Variants in NUMB observed in about 807,000 individuals in gnomAD.
NUMB encodes the protein protein numb homolog.
In NUMB, 29 loss-of-function variants were observed where a neutral mutation model predicts 59.7. The ratio of observed to expected loss-of-function variants is 0.49; its 90% confidence interval spans 0.36 to 0.66. The LOEUF (loss-of-function observed/expected upper bound fraction) is 0.66. Ranked by LOEUF, NUMB falls within the 30% of genes least tolerant of loss-of-function variation. The pLI, the probability that NUMB is intolerant of heterozygous loss-of-function variation, is 0.00. For synonymous variants in NUMB, 288 were observed against 288.2 expected (o/e 1.00, Z 0.01); for missense variants, 723 against 822.0 (o/e 0.88, Z 1.47).
intron 4 of NUMB, among the ~76,000 whole-genome samples, chr14:73,335,163 G>C (rs558882803): frequency 5.3e-5 from 8 of 151,876 alleles, no homozygotes; most frequent in Non-Finnish European, 8.8e-5. Flanking sequence ...TGAGAAAGTA[G>C]AGCTTTATGA....
chr14:73,292,839 A>G lies in NUMB; in HGVS notation c.345T>C (p.Ser115=), dbSNP rs61743309. 5,417 of 1,614,244 alleles carry G rather than the reference A, an allele frequency of 3.4e-3. 124 individuals carry two copies. The African/African-American group carries it at 0.051, about 15-fold the overall frequency. Residue 115 remains serine (S), a synonymous_variant, in exon 8 of 13, where the codon TCT becomes TCC. Transcript: ENST00000555238. ...CAAAGTTCCTGTCTGGGGCACAGAA[A>G]GAAACTTTCTCTATCGTCTGGTCAA... ...LIVDQTIEKV[S]FCAPDRNFDR...
Position 73,374,313 on chromosome 14 carries a change from G to A in NUMB, c.-100-7332C>T, listed in dbSNP as rs373476645. Among the ~76,000 whole-genome samples, 11 of 152,200 alleles carry A rather than the reference G, an allele frequency of 7.2e-5. No homozygotes were observed. The East Asian group carries it at 7.7e-4, about 11-fold the overall frequency. On this transcript the variant is annotated intron_variant, in intron 2 of 12. Coordinates refer to ENST00000555238, the MANE Select transcript of NUMB (RefSeq NM_001005743.2). ...TGGGATTACAGGTGTGAGCTACTGCGCCTGGCCAAAAGCTTCCTTTTGTAT... is the reference window on the plus strand; with the variant it reads ...TGGGATTACAGGTGTGAGCTACTGCACCTGGCCAAAAGCTTCCTTTTGTAT...
chr14:73,420,810 A>G (rs935526843), intron 1 of NUMB, among the ~76,000 whole-genome samples: 1 of 152,182 alleles, frequency 6.6e-6, no homozygotes, highest in Non-Finnish European at 1.5e-5. Flanking sequence ...ACTTGCACCT[A>G]TACACAGAAT....
intron 2 of NUMB, among the ~76,000 whole-genome samples, chr14:73,394,763 T>C (rs1261839317): frequency 6.6e-6 from 1 of 152,194 alleles, no homozygotes; most frequent in Non-Finnish European, 1.5e-5. Context: ...ACTCCACTTA[T>C]AAGTGAAATC....
At chr14:73,423,532 T>C (rs566627309) in intron 1 of NUMB, among the ~76,000 whole-genome samples, 2 of 151,988 alleles carry the variant, frequency 1.3e-5, no homozygotes, top group South Asian at 4.2e-4. Flanking sequence ...ATCCCAGCTC[T>C]TGGGAGGCTG....
chr14:73,450,473 A>G (rs1407554855), intron 1 of NUMB, among the ~76,000 whole-genome samples: 1 of 152,128 alleles, frequency 6.6e-6, no homozygotes, highest in Non-Finnish European at 1.5e-5. Flanking sequence ...AGTTTGGAGG[A>G]AAAAAAAGTT....
At chr14:73,369,593 A>G (rs1395734513) in intron 2 of NUMB, among the ~76,000 whole-genome samples, 1 of 152,246 alleles carries the variant, frequency 6.6e-6, no homozygotes, top group Non-Finnish European at 1.5e-5. Flanking sequence ...CAGCTGACTA[A>G]CAAAAGGAAG....
chr14:73,344,134 T>C (rs1469356087), intron 4 of NUMB, among the ~76,000 whole-genome samples: 3 of 152,230 alleles, frequency 2.0e-5, no homozygotes, highest in Non-Finnish European at 4.4e-5. Context: ...ATTTGTATAA[T>C]AAAAATTTAA....
At chr14:73,337,783 A>C (rs1046633796) in intron 4 of NUMB, among the ~76,000 whole-genome samples, 7 of 152,242 alleles carry the variant, frequency 4.6e-5, no homozygotes, top group Admixed American at 3.3e-4. Flanking sequence ...GCATTTAGTA[A>C]GGTTGCTAGA....
Position 73,346,437 on chromosome 14 carries a change from A to G in NUMB, c.126+9189T>C, listed in dbSNP as rs1206880675. On this transcript the variant is annotated intron_variant, in intron 4 of 12. Coordinates refer to ENST00000555238, the MANE Select transcript of NUMB (RefSeq NM_001005743.2). Reference sequence around the variant, plus strand: ...AGAGGCTGCGGTGAACCGAGACTGCACTATTGCACTCCAGCCTGGGCAACA... The same window carrying G: ...AGAGGCTGCGGTGAACCGAGACTGCGCTATTGCACTCCAGCCTGGGCAACA... Among the ~76,000 whole-genome samples, 3 of 151,514 alleles carry G rather than the reference A, an allele frequency of 2.0e-5. No individual in the cohort carries two copies. The East Asian group carries it at 5.8e-4, about 29-fold the overall frequency.
At chr14:73,394,213 G>T (rs922736791) in intron 2 of NUMB, among the ~76,000 whole-genome samples, 1 of 151,970 alleles carries the variant, frequency 6.6e-6, no homozygotes, top group Non-Finnish European at 1.5e-5. Context: ...CCTCGTGCTG[G>T]GATTACAGGC....
At chr14:73,280,357 C>T (rs534165586) in intron 11 of NUMB, among the ~76,000 whole-genome samples, 6 of 151,680 alleles carry the variant, frequency 4.0e-5, no homozygotes, top group Non-Finnish European at 7.4e-5. Context: ...TGATAGATTT[C>T]TAATTTGCTA....
At chr14:73,430,920 G>A (rs1897799845) in intron 1 of NUMB, among the ~76,000 whole-genome samples, 1 of 151,968 alleles carries the variant, frequency 6.6e-6, no homozygotes, top group African/African-American at 2.4e-5. Context: ...ACTCCAGCCT[G>A]GGTGACGGAG....
intron 4 of NUMB, among the ~76,000 whole-genome samples, chr14:73,350,173 C>CT (rs552677993): frequency 0.23 from 27,873 of 121,698 alleles, 4,063 homozygotes; most frequent in Non-Finnish European, 0.26. Context: ...AACTAGGTGT[C>CT]TTTTTTTTTT....
intron 2 of NUMB, among the ~76,000 whole-genome samples, chr14:73,368,848 GA>G (rs919356682): frequency 7.9e-5 from 12 of 152,066 alleles, no homozygotes; most frequent in Non-Finnish European, 2.9e-5. Context: ...CTTGAGAGAA[GA>G]AACAAGAAAA....
rs1566756189 is a variant in NUMB at position 73,352,499 on chromosome 14, TATATATATATATATATATATATATA to T, written c.126+3102_126+3126del. On this transcript the variant is annotated intron_variant, in intron 4 of 12. Transcript: ENST00000555238. ...ACACATATATATATATATATATATA[TATATATATATATATATATATATATA>T]TATATGTTTTTTTTTTTTTTTTTTT... Among the ~76,000 whole-genome samples the T allele has an allele frequency of 2.4e-3, 28 of 11,630 alleles. 2 individuals are homozygous for T. Among genetic ancestry groups the T allele is most frequent in the Non-Finnish European group, 3.2e-3 (24 of 7,522 alleles). The allele number at this position is 11,630 out of a possible 152,430, so 7.6% of individuals were successfully genotyped here.
chr14:73,307,088 T>C, intron 6 of NUMB, among the ~76,000 whole-genome samples: 1 of 152,084 alleles, frequency 6.6e-6, no homozygotes, highest in Non-Finnish European at 1.5e-5. Flanking sequence ...GGCGGGTGGA[T>C]CACGAGGTCA....
At chr14:73,280,573 T>C (rs1378432030) in intron 11 of NUMB, among the ~76,000 whole-genome samples, 1 of 151,982 alleles carries the variant, frequency 6.6e-6, no homozygotes, top group Admixed American at 6.6e-5. Flanking sequence ...TTTCTTCTCC[T>C]TAGCCCAGCT....
intron 1 of NUMB, among the ~76,000 whole-genome samples, chr14:73,418,829 G>A (rs535570217): frequency 6.6e-6 from 1 of 151,582 alleles, no homozygotes; most frequent in Non-Finnish European, 1.5e-5. Flanking sequence ...AAAAAGCAAA[G>A]CAAACCATAT....
Sources: gnomAD v4.1 joint callset for allele counts (sites outside exome capture counted in the v4.1 genomes callset) on GRCh38, gnomAD v4.1.1 for gene constraint, MANE v1.5 for transcripts, NCBI Gene and HGNC (gene_info 2026-07-23, HGNC 2026-07-21) for gene names.